GPR107: variants seen among roughly 807,000 people sequenced by gnomAD.
GPR107 encodes the protein protein GPR107.
A neutral mutation model predicts 75.5 loss-of-function variants in GPR107; 31 were observed. That is an observed-to-expected ratio of 0.41 (90% CI 0.31 to 0.55). The LOEUF (loss-of-function observed/expected upper bound fraction) is 0.55, where lower values mean the gene tolerates loss of function less well. Ranked by LOEUF, GPR107 falls within the 20% of genes least tolerant of loss-of-function variation. The probability of loss-of-function intolerance (pLI) is 0.26; values close to 1 mark genes in which losing one functional copy is unlikely to be tolerated. For synonymous variants in GPR107, 267 were observed against 251.3 expected (o/e 1.06, Z -0.59); for missense variants, 572 against 665.7 (o/e 0.86, Z 1.55).
chr9:130,123,360 T>C (rs1473642550), intron 14 of GPR107, among the ~76,000 whole-genome samples: 1 of 151,832 alleles, frequency 6.6e-6, no homozygotes, highest in Admixed American at 6.6e-5. Context: ...CCCACCACCA[T>C]GTCTGGGTAA....
chr9:130,076,100 T>G (rs1363913678), intron 2 of GPR107, among the ~76,000 whole-genome samples: 2 of 152,170 alleles, frequency 1.3e-5, no homozygotes, highest in African/African-American at 2.4e-5. Context: ...CTCTTTTAGC[T>G]TAGGTGAGAG....
At chr9:130,119,655 C>T (rs888552846) in intron 14 of GPR107, among the ~76,000 whole-genome samples, 1 of 152,120 alleles carries the variant, frequency 6.6e-6, no homozygotes, top group African/African-American at 2.4e-5. Context: ...TTTTCTTACT[C>T]CACGAGTAAG....
At chr9:130,071,860 C>G (rs558203484) in intron 1 of GPR107, among the ~76,000 whole-genome samples, 1 of 151,970 alleles carries the variant, frequency 6.6e-6, no homozygotes, top group Admixed American at 6.6e-5. Context: ...TATTTTTGTA[C>G]TTTTAGTAGA....
chr9:130,090,344 A>G (rs1473749404), intron 7 of GPR107, among the ~76,000 whole-genome samples: 7 of 152,214 alleles, frequency 4.6e-5, no homozygotes, highest in Non-Finnish European at 8.8e-5. Flanking sequence ...CCATAGTTGT[A>G]AATTTTGATG....
At chr9:130,094,260 C>T (rs58880484) in intron 9 of GPR107, among the ~76,000 whole-genome samples, 10 of 152,098 alleles carry the variant, frequency 6.6e-5, no homozygotes, top group South Asian at 4.1e-4. Context: ...CTGGCTAACA[C>T]GGTGAAACCC....
chr9:130,091,845 G>A (rs556698224), intron 8 of GPR107, among the ~76,000 whole-genome samples: 28 of 152,116 alleles, frequency 1.8e-4, no homozygotes, highest in African/African-American at 6.3e-4. Context: ...ACAAGGGTGC[G>A]CCACCACACC....
intron 1 of GPR107, among the ~76,000 whole-genome samples, chr9:130,071,214 A>T: frequency 6.9e-6 from 1 of 145,522 alleles, no homozygotes; most frequent in African/African-American, 2.5e-5. Flanking sequence ...TTTTTGCTAG[A>T]GATGGGGTTT....
chr9:130,090,217 C>T (rs772448085), intron 7 of GPR107, among the ~76,000 whole-genome samples: 2 of 152,176 alleles, frequency 1.3e-5, no homozygotes, highest in Non-Finnish European at 1.5e-5. Flanking sequence ...AAGTCATATT[C>T]TCTAAGTCTG....
At chr9:130,098,355 G>T (rs1409410038) in intron 9 of GPR107, among the ~76,000 whole-genome samples, 1 of 152,104 alleles carries the variant, frequency 6.6e-6, no homozygotes, top group Non-Finnish European at 1.5e-5. Context: ...AGCCATGAAG[G>T]AGAGAGAAAT....
chr9:130,090,078 A>G (rs1830698981), intron 7 of GPR107, among the ~76,000 whole-genome samples: 1 of 152,148 alleles, frequency 6.6e-6, no homozygotes, highest in African/African-American at 2.4e-5. Context: ...ATGCTACCGT[A>G]GTCACTTCCT....
intron 1 of GPR107, among the ~76,000 whole-genome samples, chr9:130,069,989 TTTTTTTTTTTTTTTTTTTTTTTA>T (rs1830162654): frequency 5.4e-5 from 1 of 18,374 alleles, no homozygotes; most frequent in Admixed American, 7.8e-4. Flanking sequence ...GGCCTCTTTT[TTTTTTTTTTTTTTTTTTTTTTTA>T]AATTTTTTTG....
At chr9:130,085,561 A>G (rs1245735308) in intron 6 of GPR107, among the ~76,000 whole-genome samples, 1 of 152,066 alleles carries the variant, frequency 6.6e-6, no homozygotes, top group Non-Finnish European at 1.5e-5. Context: ...GCCTTTTTGT[A>G]AGCCCCCTGT....
At chr9:130,070,796 T>C (rs531539647) in intron 1 of GPR107, among the ~76,000 whole-genome samples, 2 of 150,664 alleles carry the variant, frequency 1.3e-5, no homozygotes, top group South Asian at 4.2e-4. Flanking sequence ...TAGCTCACAG[T>C]AGCCTCAAAC....
At chr9:130,077,458 G>A in intron 4 of GPR107, 80 bp downstream of exon 4, 1 of 791,274 alleles carries the variant, frequency 1.3e-6, no homozygotes, top group Admixed American at 1.8e-5. Context: ...CATTCCTTGG[G>A]TGTCTGCCAT....
intron 5 of GPR107, among the ~76,000 whole-genome samples, chr9:130,081,959 C>T (rs1051805993): frequency 2.2e-4 from 33 of 152,230 alleles, no homozygotes; most frequent in East Asian, 1.9e-4. Flanking sequence ...AGCATGGCGC[C>T]GGAATCTACT....
At chr9:130,085,182 G>T (rs1392168437) in intron 6 of GPR107, among the ~76,000 whole-genome samples, 1 of 152,178 alleles carries the variant, frequency 6.6e-6, no homozygotes, top group Non-Finnish European at 1.5e-5. Flanking sequence ...TGGAGAAGGA[G>T]AAAGGGTTGT....
At position 130,077,315 on chromosome 9, in the gene GPR107, ACTGTATTTTAAAGAAACAGT is replaced by A; in HGVS notation, c.328_347del (p.Ile110LeufsTer13). 6.5e-7 allele frequency: 1 copy of A among 1,540,164 alleles called. No individual in the cohort carries two copies. The highest frequency in any genetic ancestry group is 9.0e-7 in the Non-Finnish European group (1 of 1,112,498). ...CTTTCTCAGGATGAAGATGTGAATT[ACTGTATTTTAAAGAAACAGT>A]CTGTCTCTGTCACCCTTTTAATCCT... On this transcript the variant is annotated frameshift_variant, in exon 4 of 18. Transcript: ENST00000347136. LOFTEE classifies it high-confidence loss of function.
At chr9:130,071,526 C>T (rs907228260) in intron 1 of GPR107, among the ~76,000 whole-genome samples, 2 of 151,938 alleles carry the variant, frequency 1.3e-5, no homozygotes, top group Non-Finnish European at 2.9e-5. Flanking sequence ...GTGTCTTCAT[C>T]GCTACCGTGG....
intron 2 of GPR107, 34 bp downstream of exon 2, chr9:130,075,783 T>TC: frequency 1.1e-6 from 1 of 911,214 alleles, no homozygotes. Context: ...AGGGGTTTAC[T>TC]CTTTTTTTTT....
Sources: gnomAD v4.1 joint callset for allele counts (sites outside exome capture counted in the v4.1 genomes callset) on GRCh38, gnomAD v4.1.1 for gene constraint, MANE v1.5 for transcripts, NCBI Gene and HGNC (gene_info 2026-07-23, HGNC 2026-07-21) for gene names.